Variants in ASIC2 observed in about 807,000 individuals in gnomAD.
ASIC2 encodes the protein acid sensing ion channel subunit 2, also known as acid-sensing ion channel 2.
In ASIC2, 25 loss-of-function variants were observed where a neutral mutation model predicts 57.3. The ratio of observed to expected loss-of-function variants is 0.44; its 90% CI spans 0.32 to 0.61. ASIC2 has a LOEUF of 0.61. Ranked by LOEUF, ASIC2 falls within the 20% of genes least tolerant of loss-of-function variation. The pLI, the probability that ASIC2 is intolerant of heterozygous loss-of-function variation, is 0.06. For synonymous variants in ASIC2, 319 were observed against 307.5 expected, an observed-to-expected ratio of 1.04 and a Z score of -0.39; for missense variants, 641 against 738.1, an observed-to-expected ratio of 0.87 and a Z score of 1.52.
chr17:33,864,115 G>T (rs1482274564), intron 1 of ASIC2, among the ~76,000 whole-genome samples: 18 of 151,864 alleles, frequency 1.2e-4, no homozygotes, highest in Non-Finnish European at 2.9e-5. Flanking sequence ...GTTGGTCAGG[G>T]TGGTCTCGAA....
intron 1 of ASIC2, among the ~76,000 whole-genome samples, chr17:33,155,170 G>T (rs1227152993): frequency 6.6e-6 from 1 of 152,264 alleles, no homozygotes; most frequent in African/African-American, 2.4e-5. Flanking sequence ...GCATCGAGGA[G>T]CCCAGCGCCC....
chr17:33,254,766 A>G (rs1419796962), intron 1 of ASIC2, among the ~76,000 whole-genome samples: 1 of 152,196 alleles, frequency 6.6e-6, no homozygotes, highest in African/African-American at 2.4e-5. Context: ...AATAATGCTT[A>G]CATTGTAATA....
chr17:33,655,870 T>A (rs1168421441), intron 1 of ASIC2, among the ~76,000 whole-genome samples: 2 of 152,150 alleles, frequency 1.3e-5, no homozygotes, highest in African/African-American at 4.8e-5. Context: ...AGAGAGAAGT[T>A]TTCTTCCTTT....
chr17:34,088,195 A>G (rs1910182506), intron 1 of ASIC2, among the ~76,000 whole-genome samples: 1 of 152,054 alleles, frequency 6.6e-6, no homozygotes, highest in South Asian at 2.1e-4. Context: ...GTCTTTGATG[A>G]TGGTGATGTA....
chr17:33,361,534 T>C (rs893819343), intron 1 of ASIC2, among the ~76,000 whole-genome samples: 1 of 152,240 alleles, frequency 6.6e-6, no homozygotes, highest in Admixed American at 6.5e-5. Flanking sequence ...AATGTTGGTA[T>C]CTGTCAGTAT....
rs1419896106 is a variant in ASIC2 at position 34,014,708 on chromosome 17, A to C, written c.555+141270T>G. Among the ~76,000 whole-genome samples, 5 of 152,122 alleles carry C rather than the reference A, an allele frequency of 3.3e-5. No homozygotes were observed. In the East Asian group the frequency reaches 9.6e-4, roughly 29 times the overall value. The stretch of plus-strand genomic sequence containing the variant: ...CCTTGAGGCCCACTTCTGAAAACTG[A>C]GCCCTTGAACCTCTGCTTCCTTATC... On this transcript the variant is annotated intron_variant, in intron 1 of 9. Coordinates refer to the ASIC2 transcript ENST00000359872.
chr17:33,558,886 C>A (rs1298199625), intron 1 of ASIC2, among the ~76,000 whole-genome samples: 1 of 152,160 alleles, frequency 6.6e-6, no homozygotes, highest in African/African-American at 2.4e-5. Flanking sequence ...CCTGCCTCAG[C>A]CTTCCAAGTA....
At chr17:34,130,440 C>G (rs11080251) in intron 1 of ASIC2, among the ~76,000 whole-genome samples, 71,208 of 152,098 alleles carry the variant, frequency 0.47, 17,026 homozygotes, top group Middle Eastern at 0.55. Context: ...CTGGAGAACA[C>G]AGAACCTATA....
intron 1 of ASIC2, among the ~76,000 whole-genome samples, chr17:33,701,905 G>A (rs1018034487): frequency 7.2e-5 from 11 of 152,226 alleles, no homozygotes; most frequent in South Asian, 4.2e-4. Context: ...TTTCATTGTC[G>A]GTACTTCTGA....
At chr17:33,276,970 C>G (rs1874600) in intron 1 of ASIC2, among the ~76,000 whole-genome samples, 51,084 of 152,074 alleles carry the variant, frequency 0.34, 8,742 homozygotes, top group Admixed American at 0.42. Flanking sequence ...CAGACTTGTA[C>G]ATCCTTGCTA....
intron 1 of ASIC2, among the ~76,000 whole-genome samples, chr17:33,747,496 G>A (rs1486331679): frequency 6.6e-6 from 1 of 152,030 alleles, no homozygotes; most frequent in Non-Finnish European, 1.5e-5. Context: ...GTGCTGGGAT[G>A]GCAGGCGTAC....
In ASIC2 at chr17:33,147,817, G is replaced by A. The variant is rs117852658; in HGVS notation, c.709-35750C>T. 4.5e-3 allele frequency among the ~76,000 whole-genome samples: 690 copies of A among 152,324 alleles called. 3 individuals are homozygous for A. Among genetic ancestry groups the A allele is most frequent in the South Asian group, 0.026 (126 of 4,818 alleles). On this transcript the variant is annotated intron_variant, in intron 1 of 9. Coordinates refer to ENST00000225823, the MANE Select transcript of ASIC2 (RefSeq NM_183377.2). ...ACTTTTAAATGCTTGCAACAAGCCT[G>A]TGGACCCCAATTTAGCTCCTACTCA...
intron 3 of ASIC2, 47 bp downstream of exon 3, chr17:33,088,816 T>C: frequency 6.4e-7 from 1 of 1,552,190 alleles, no homozygotes; most frequent in Admixed American, 2.0e-5. Flanking sequence ...CTGCAGGGGG[T>C]CGGGGGAGGC....
intron 1 of ASIC2, among the ~76,000 whole-genome samples, chr17:33,704,037 C>A (rs941452802): frequency 6.6e-6 from 1 of 152,152 alleles, no homozygotes; most frequent in African/African-American, 2.4e-5. Context: ...ACTTCCTGAA[C>A]TTTGCCTGTG....
chr17:33,690,242 A>G (rs1436701240), intron 1 of ASIC2, among the ~76,000 whole-genome samples: 1 of 152,222 alleles, frequency 6.6e-6, no homozygotes, highest in Non-Finnish European at 1.5e-5. Flanking sequence ...ACTTAAAACA[A>G]TAACAATTAT....
chr17:34,054,118 T>C (rs955892992), intron 1 of ASIC2, among the ~76,000 whole-genome samples: 2 of 152,260 alleles, frequency 1.3e-5, no homozygotes, highest in Non-Finnish European at 2.9e-5. Context: ...ATACTAACTC[T>C]GTAAATAATC....
chr17:33,466,469 C>T (rs1226626908), intron 1 of ASIC2, among the ~76,000 whole-genome samples: 1 of 152,070 alleles, frequency 6.6e-6, no homozygotes, highest in Non-Finnish European at 1.5e-5. Flanking sequence ...ATGACTTTCT[C>T]CACAGAATTG....
intron 1 of ASIC2, among the ~76,000 whole-genome samples, chr17:33,468,263 A>G (rs1273641518): frequency 1.3e-5 from 2 of 152,204 alleles, no homozygotes; most frequent in Non-Finnish European, 2.9e-5. Flanking sequence ...ATCAAAGCAC[A>G]ATGGAAATGG....
At position 34,131,986 on chromosome 17, in the gene ASIC2, T is replaced by C. The variant is rs187341649; in HGVS notation, c.555+23992A>G. ...GACATTTTGGAAACTTTTGTGACAA[T>C]TGTAGGTGCTGTCCTGGAATTTGAG... On this transcript the variant is annotated intron_variant, in intron 1 of 9. Transcript: ENST00000359872. 4.6e-5 allele frequency among the ~76,000 whole-genome samples: 7 copies of C among 152,206 alleles called. No individual in the cohort carries two copies. In the East Asian group the frequency reaches 9.6e-4, roughly 21 times the overall value.
Sources: gnomAD v4.1 joint callset for allele counts (sites outside exome capture counted in the v4.1 genomes callset) on GRCh38, gnomAD v4.1.1 for gene constraint, MANE v1.5 for transcripts, NCBI Gene and HGNC (gene_info 2026-07-23, HGNC 2026-07-21) for gene names.